STX2: variants seen among roughly 807,000 people sequenced by gnomAD.
STX2 encodes the protein syntaxin 2, also known as syntaxin-2.
STX2 carries 27 observed loss-of-function variants against 40.6 expected under a neutral mutation model. That is an observed-to-expected ratio of 0.66 (90% CI 0.49 to 0.92). STX2 has a LOEUF of 0.92. Ranked by LOEUF, STX2 falls within the 40% of genes least tolerant of loss-of-function variation. The pLI is 0.00. For missense variants in STX2, 328 were observed against 366.1 expected (o/e 0.90, Z 0.85); for synonymous variants, 123 against 119.1 (o/e 1.03, Z -0.22).
chr12:130,822,970 T>G (rs940089786), intron 2 of STX2, among the ~76,000 whole-genome samples: 12 of 152,202 alleles, frequency 7.9e-5, no homozygotes, highest in African/African-American at 2.9e-4. Context: ...TGGAGCAAGA[T>G]GCTCTGCTGC....
chr12:130,805,345 G>A (rs1047622671), intron 6 of STX2, among the ~76,000 whole-genome samples: 1 of 152,184 alleles, frequency 6.6e-6, no homozygotes, highest in Non-Finnish European at 1.5e-5. Context: ...AACAAGCCAG[G>A]TGAGCCTGCT....
intron 1 of STX2, among the ~76,000 whole-genome samples, chr12:130,828,448 CA>C (rs1237651290): frequency 2.1e-5 from 3 of 140,302 alleles, no homozygotes; most frequent in Non-Finnish European, 4.5e-5. Flanking sequence ...CCATGTTGGC[CA>C]GGCTGGTTTC....
At chr12:130,818,457 T>C (rs1351877223) in intron 3 of STX2, among the ~76,000 whole-genome samples, 1 of 151,754 alleles carries the variant, frequency 6.6e-6, no homozygotes, top group Non-Finnish European at 1.5e-5. Flanking sequence ...ATTTCACACG[T>C]GTGGGAACTG....
intron 1 of STX2, 28 bp from the exon 2 acceptor site, chr12:130,827,295 T>G (rs757860629): frequency 1.3e-6 from 2 of 1,582,810 alleles, no homozygotes; most frequent in Non-Finnish European, 1.7e-6. Context: ...AAATTCAGTT[T>G]TTTAAAATTT....
intron 2 of STX2, among the ~76,000 whole-genome samples, chr12:130,826,287 C>T (rs973502955): frequency 1.3e-5 from 2 of 152,222 alleles, no homozygotes; most frequent in African/African-American, 4.8e-5. Context: ...CCTCTGCTGC[C>T]GGAACCACCA....
chr12:130,821,754 G>C lies in STX2; in HGVS notation c.140C>G (p.Thr47Ser). 1 of 1,612,478 alleles carries C rather than the reference G, an allele frequency of 6.2e-7. No homozygotes were observed. Among genetic ancestry groups the C allele is most frequent in the African/African-American group, 1.3e-5 (1 of 75,028 alleles). The change falls in exon 3 of 11, where the codon ACT becomes AGT. Residue 47 changes from threonine to serine, a missense_variant. Transcript: ENST00000392373. ...TTTCTTTACTTCTTCAACATATTGA[G>C]TTATTTTATCAATACTGTTTCTAAT... The part of the protein sequence containing the change: ...EEIRNSIDKI[T>S]QYVEEVKKNH...
chr12:130,815,394 C>A (rs1159728580), intron 3 of STX2, among the ~76,000 whole-genome samples: 1 of 152,190 alleles, frequency 6.6e-6, no homozygotes, highest in Non-Finnish European at 1.5e-5. Flanking sequence ...GGTGTTCGTG[C>A]GCGTGTGAGA....
intron 1 of STX2, among the ~76,000 whole-genome samples, chr12:130,832,250 G>A (rs374016445): frequency 2.0e-5 from 3 of 151,688 alleles, no homozygotes; most frequent in Admixed American, 6.6e-5. Flanking sequence ...ACACCATATG[G>A]TTCAACCTCA....
At chr12:130,832,654 A>G (rs967721617) in intron 1 of STX2, among the ~76,000 whole-genome samples, 43 of 152,316 alleles carry the variant, frequency 2.8e-4, no homozygotes, top group African/African-American at 9.4e-4. Context: ...TGAACTAGAG[A>G]GCATTTAAAC....
chr12:130,796,810 G>A (rs879793511), intron 9 of STX2, among the ~76,000 whole-genome samples: 1 of 152,050 alleles, frequency 6.6e-6, no homozygotes, highest in Non-Finnish European at 1.5e-5. Flanking sequence ...TTGGCCTTTC[G>A]CTCCTTCTTT....
rs1951210786 is a variant in STX2, at chr12:130,801,163, A to G, written c.665T>C (p.Val222Ala). 3.7e-6 allele frequency: 6 copies of G among 1,611,702 alleles called. No homozygotes were observed. Among genetic ancestry groups the G allele is most frequent in the Non-Finnish European group, 5.1e-6 (6 of 1,178,516 alleles). ...HEMFMDMAMF[V>A]ETQGEMINNI... ...AGAGTCTGTAACTACCTGAGTCTCC[A>G]CAAACATAGCCATGTCCATGAACAT... The change falls in exon 8 of 11, where the codon GTG (valine) becomes GCG (alanine). Residue 222 changes from valine (V) to alanine (A), a missense_variant. By Grantham distance (64) the Val-to-Ala change is moderately conservative (BLOSUM62 0). Transcript: ENST00000392373.
intron 1 of STX2, among the ~76,000 whole-genome samples, chr12:130,832,129 G>C (rs1952587639): frequency 6.6e-6 from 1 of 151,782 alleles, no homozygotes; most frequent in Non-Finnish European, 1.5e-5. Flanking sequence ...TTACAGGCAT[G>C]AGCGACTACA....
At chr12:130,837,243 C>T (rs924919062) in intron 1 of STX2, among the ~76,000 whole-genome samples, 1 of 151,786 alleles carries the variant, frequency 6.6e-6, no homozygotes, top group African/African-American at 2.4e-5. Context: ...CTCCTGAGTA[C>T]CAAGGACTAC....
intron 3 of STX2, among the ~76,000 whole-genome samples, chr12:130,814,211 C>A (rs1293204244): frequency 6.6e-6 from 1 of 152,096 alleles, no homozygotes; most frequent in African/African-American, 2.4e-5. Flanking sequence ...GTGTGCAGGC[C>A]CGTGTCATCT....
At chr12:130,824,429 G>T (rs1181467672) in intron 2 of STX2, among the ~76,000 whole-genome samples, 1 of 152,106 alleles carries the variant, frequency 6.6e-6, no homozygotes, top group African/African-American at 2.4e-5. Flanking sequence ...ATACACATAT[G>T]TTAGAAAGTA....
intron 3 of STX2, among the ~76,000 whole-genome samples, chr12:130,814,129 A>G (rs1038142788): frequency 6.6e-6 from 1 of 152,080 alleles, no homozygotes; most frequent in African/African-American, 2.4e-5. Flanking sequence ...AGGGTTTCAG[A>G]GCCAGATCAG....
intron 3 of STX2, among the ~76,000 whole-genome samples, chr12:130,818,184 AAATATATATATATAT>A (rs1322589681): frequency 8.1e-5 from 3 of 37,254 alleles, no homozygotes; most frequent in Non-Finnish European, 1.7e-4. Context: ...AAAAAAAAAA[AAATATATATATATAT>A]ATATATATAT....
At position 130,836,463 on chromosome 12, in the gene STX2, A is replaced by T. The variant is rs567262942; in HGVS notation, c.30+2607T>A. 8.5e-5 allele frequency among the ~76,000 whole-genome samples: 13 copies of T among 152,108 alleles called. No individual in the cohort carries two copies. In the South Asian group the frequency reaches 2.7e-3, roughly 32 times the overall value. ...GTTTTTGTATGTTTTTTGTAAAGAC[A>T]GGGTTTTGCCATGTTGCCCAGGCTG... On this transcript the variant is annotated intron_variant, in intron 1 of 10. Transcript: ENST00000392373.
intron 10 of STX2, among the ~76,000 whole-genome samples, chr12:130,794,267 A>G (rs1950962442): frequency 6.6e-6 from 1 of 152,100 alleles, no homozygotes; most frequent in Admixed American, 6.5e-5. Context: ...AGAAAAAAAT[A>G]GAACATCTTG....
Sources: gnomAD v4.1 joint callset for allele counts (sites outside exome capture counted in the v4.1 genomes callset) on GRCh38, gnomAD v4.1.1 for gene constraint, MANE v1.5 for transcripts, NCBI Gene and HGNC (gene_info 2026-07-23, HGNC 2026-07-21) for gene names.